BICRAL: variants seen among roughly 807,000 people sequenced by gnomAD.
The protein encoded by BICRAL is BICRA like chromatin remodeling complex associated protein.
Under a neutral mutation model 91.8 loss-of-function variants are expected in BICRAL, and 8 were observed. The ratio of observed to expected loss-of-function variants is 0.09; its 90% CI spans 0.05 to 0.16. The LOEUF is 0.16. Among genes scored for constraint, BICRAL ranks in the 10% least tolerant of loss-of-function variants. The pLI, the probability that BICRAL is intolerant of heterozygous loss-of-function variation, is 1.00. For missense variants in BICRAL, 1,038 were observed against 1,310.9 expected (o/e 0.79, Z 3.21); for synonymous variants, 445 against 491.1 (o/e 0.91, Z 1.24).
At chr6:42,794,183 A>G (rs1385310238) in intron 1 of BICRAL, among the ~76,000 whole-genome samples, 1 of 152,016 alleles carries the variant, frequency 6.6e-6, no homozygotes, top group Non-Finnish European at 1.5e-5. Context: ...CCTAGCTACT[A>G]TAAATCTGAC....
chr6:42,759,983 C>T (rs373944437), intron 1 of BICRAL, among the ~76,000 whole-genome samples: 3 of 152,248 alleles, frequency 2.0e-5, no homozygotes, highest in African/African-American at 7.2e-5. Flanking sequence ...GGTGGCTTAA[C>T]CCTGTAATCC....
At chr6:42,809,078 AG>A (rs1376141849) in intron 1 of BICRAL, among the ~76,000 whole-genome samples, 1 of 151,238 alleles carries the variant, frequency 6.6e-6, no homozygotes, top group African/African-American at 2.4e-5. Context: ...TAATACTTTA[AG>A]TTCTGGCCTC....
At chr6:42,776,630 G>A (rs1442628857) in intron 1 of BICRAL, among the ~76,000 whole-genome samples, 1 of 152,184 alleles carries the variant, frequency 6.6e-6, no homozygotes, top group Non-Finnish European at 1.5e-5. Flanking sequence ...TTACAGGCAT[G>A]AGCCACCGTA....
chr6:42,799,296 C>CT (rs573158175), intron 1 of BICRAL, among the ~76,000 whole-genome samples: 2,053 of 136,980 alleles, frequency 0.015, 35 homozygotes, highest in African/African-American at 0.041. Flanking sequence ...ACCACTAAAT[C>CT]TTTTTTTTTT....
At chr6:42,863,748 G>C (rs2114050186) in intron 12 of BICRAL, among the ~76,000 whole-genome samples, 1 of 152,254 alleles carries the variant, frequency 6.6e-6, no homozygotes, top group Non-Finnish European at 1.5e-5. Flanking sequence ...ATACTTAGAG[G>C]CTGGGTGAGG....
intron 6 of BICRAL, among the ~76,000 whole-genome samples, chr6:42,841,471 G>A (rs143913444): frequency 5.8e-4 from 88 of 152,228 alleles, no homozygotes; most frequent in African/African-American, 2.0e-3. Flanking sequence ...ACAGGCGTGA[G>A]CCACGCTGCC....
At chr6:42,783,831 A>G (rs1053692459) in intron 1 of BICRAL, among the ~76,000 whole-genome samples, 1 of 152,112 alleles carries the variant, frequency 6.6e-6, no homozygotes. Context: ...ATTGGAGGTG[A>G]GGCGCTCCTG....
Position 42,818,301 on chromosome 6 carries a change from T to C in BICRAL, c.-5-3717T>C, listed in dbSNP as rs140331571. 5.0e-4 allele frequency among the ~76,000 whole-genome samples: 75 copies of C among 151,350 alleles called. 1 individual carries two copies. Among genetic ancestry groups the C allele is most frequent in the African/African-American group, 1.8e-3 (73 of 41,110 alleles). ...GGAGCTAGTTGTATTTCCTTTTCTG[T>C]GAATTGATTGCTCATAAACTGATTA... On this transcript the variant is annotated intron_variant, in intron 2 of 12. Transcript: ENST00000314073.
intron 1 of BICRAL, among the ~76,000 whole-genome samples, chr6:42,808,400 G>A (rs1431980785): frequency 6.6e-6 from 1 of 152,180 alleles, no homozygotes; most frequent in Non-Finnish European, 1.5e-5. Flanking sequence ...AAAGTGCTGG[G>A]ATTACAGGCA....
chr6:42,851,727 G>T (rs940884553), intron 6 of BICRAL, among the ~76,000 whole-genome samples: 1 of 152,308 alleles, frequency 6.6e-6, no homozygotes, highest in African/African-American at 2.4e-5. Context: ...CATAGGAGCT[G>T]ATAGTCAGGA....
At chr6:42,830,721 T>G (rs1383583611) in intron 6 of BICRAL, among the ~76,000 whole-genome samples, 3 of 152,148 alleles carry the variant, frequency 2.0e-5, no homozygotes, top group Non-Finnish European at 2.9e-5. Flanking sequence ...GCTCAGATGA[T>G]CTTCCCACCT....
intron 1 of BICRAL, among the ~76,000 whole-genome samples, chr6:42,756,889 T>G (rs2113825755): frequency 9.7e-6 from 1 of 103,236 alleles, no homozygotes; most frequent in East Asian, 3.0e-4. Flanking sequence ...GCGCGCGCTC[T>G]CTCTCTCTCT....
intron 1 of BICRAL, among the ~76,000 whole-genome samples, chr6:42,792,795 C>T (rs1399089642): frequency 6.6e-6 from 1 of 151,766 alleles, no homozygotes; most frequent in Admixed American, 6.6e-5. Context: ...TACCTGTAAT[C>T]CCAGCTATTC....
chr6:42,862,499 C>G lies in BICRAL; in HGVS notation c.2350-11C>G, dbSNP rs370163147. ...ATTGTCTATGAAATGACTGGCCTCT[C>G]TCTTTTTCAGCGAATCAATCCCTCT... On this transcript the variant is annotated splice_polypyrimidine_tract_variant and intron_variant, in intron 11 of 12. Coordinates refer to ENST00000314073, the MANE Select transcript of BICRAL (RefSeq NM_001393499.1). 200 of 1,558,240 alleles carry G rather than the reference C, an allele frequency of 1.3e-4. No homozygotes were observed. The highest frequency in any genetic ancestry group is 1.7e-4 in the Non-Finnish European group (193 of 1,131,732).
chr6:42,803,905 A>G (rs776099001), intron 1 of BICRAL, among the ~76,000 whole-genome samples: 8 of 152,260 alleles, frequency 5.3e-5, no homozygotes, highest in Non-Finnish European at 8.8e-5. Flanking sequence ...GCATGTTACT[A>G]TACTGAATAC....
intron 2 of BICRAL, among the ~76,000 whole-genome samples, chr6:42,819,068 A>G (rs947160218): frequency 6.6e-6 from 1 of 152,116 alleles, no homozygotes; most frequent in Non-Finnish European, 1.5e-5. Context: ...ATAGTTTCCA[A>G]TCACTCATCC....
At chr6:42,843,608 G>A (rs2113990384) in intron 6 of BICRAL, among the ~76,000 whole-genome samples, 1 of 152,278 alleles carries the variant, frequency 6.6e-6, no homozygotes, top group South Asian at 2.1e-4. Flanking sequence ...TTCTGACAGT[G>A]ACACACAGGT....
rs1562490931 is a variant in BICRAL at position 42,845,195 on chromosome 6, G to GGTTTTTTTTTTTTTTTTTTT, written c.1840-6897_1840-6896insGTTTTTTTTTTTTTTTTTTT. 2.3e-4 allele frequency among the ~76,000 whole-genome samples: 6 copies of GGTTTTTTTTTTTTTTTTTTT among 25,568 alleles called. 1 individual carries two copies. The highest frequency in any genetic ancestry group is 2.2e-4 in the African/African-American group (2 of 9,050). 16.8% of individuals were successfully genotyped at this position (25,568 alleles called of 152,430 possible). A position where few individuals can be genotyped will look rare whatever the true frequency, so the allele number is the denominator to read the frequency against. On this transcript the variant is annotated intron_variant, in intron 6 of 12. Transcript: ENST00000314073. ...CTTCTCTGTTTTTTGTTTTTTGGGT[G>GGTTTTTTTTTTTTTTTTTTT]TTTTTTTTTTTTTTTTTTTTTTTTT...
upstream of BICRAL, among the ~76,000 whole-genome samples, chr6:42,777,175 T>C (rs1762818630): frequency 1.3e-5 from 2 of 152,248 alleles, no homozygotes; most frequent in South Asian, 4.1e-4. Context: ...GGGCTTAACC[T>C]GACACATAAC....
Sources: allele counts gnomAD v4.1 joint callset (sites outside exome capture counted in the v4.1 genomes callset), GRCh38; gene constraint gnomAD v4.1.1; transcripts MANE v1.5; gene names NCBI Gene and HGNC (gene_info 2026-07-23, HGNC 2026-07-21).